The following CNTRL variants were observed in gnomAD, a reference collection of about 807,000 sequenced individuals.
CNTRL encodes 110 kDa centrosomal protein.
CNTRL carries 233 observed loss-of-function variants against 303.7 expected under a neutral mutation model. The ratio of observed to expected loss-of-function variants is 0.77; its 90% CI spans 0.69 to 0.86. The LOEUF (loss-of-function observed/expected upper bound fraction) is 0.86. Among genes scored for constraint, CNTRL ranks in the 40% least tolerant of loss-of-function variants. The probability of loss-of-function intolerance (pLI) is 0.00; values close to 1 mark genes in which losing one functional copy is unlikely to be tolerated. For missense variants in CNTRL, 2,524 were observed against 2,650.6 expected (o/e 0.95, Z 1.05); for synonymous variants, 900 against 922.2 (o/e 0.98, Z 0.44).
intron 36 of CNTRL, 112 bp downstream of exon 36, chr9:121,166,292 T>C (rs1378837126): frequency 2.5e-5 from 16 of 628,370 alleles, no homozygotes; most frequent in African/African-American, 2.3e-4. Flanking sequence ...GCAGATACCG[T>C]AGGGCCATTT....
Position 121,161,920 on chromosome 9 carries a change from A to G in CNTRL, c.5154A>G (p.Gln1718=), listed in dbSNP as rs577582208. The change falls in exon 33 of 44, where the codon CAA becomes CAG. Residue 1718 remains glutamine (Q), a synonymous_variant. Transcript: ENST00000373855. ...ATGAGCTACAAGGTTTGAAGCTACA[A>G]CATGACCAAAGGGTATCTGAATTAG... The part of the protein sequence containing the change: ...ENHELQGLKL[Q]HDQRVSELEK... The G allele has an allele frequency of 3.7e-6, 6 of 1,614,226 alleles. No homozygotes were observed. The highest frequency in any genetic ancestry group is 2.7e-5 in the African/African-American group (2 of 75,062).
In CNTRL at chr9:121,118,677, C is replaced by G. The variant is rs938067622; in HGVS notation, c.1650+137C>G. 223 of 571,428 alleles carry G rather than the reference C, an allele frequency of 3.9e-4. 1 individual carries two copies. Among genetic ancestry groups the G allele is most frequent in the Non-Finnish European group, 8.5e-5 (30 of 355,010 alleles). The allele number at this position is 571,428 out of a possible 1,614,324, so 35.4% of individuals were successfully genotyped here. A position where few individuals can be genotyped will look rare whatever the true frequency, so the allele number is the denominator to read the frequency against. On this transcript the variant is annotated intron_variant, in intron 12 of 43. Transcript: ENST00000373855. ...AATTTAAGTGATATATACATACAGTCAGCCCTCCATATCCATGGGTTCTGC... is the reference window on the plus strand; with the variant it reads ...AATTTAAGTGATATATACATACAGTGAGCCCTCCATATCCATGGGTTCTGC...
At chr9:121,168,646 A>G (rs1444018903) in intron 38 of CNTRL, among the ~76,000 whole-genome samples, 2 of 152,190 alleles carry the variant, frequency 1.3e-5, no homozygotes, top group Non-Finnish European at 2.9e-5. Context: ...ATAATGATCT[A>G]CTTCATCTCA....
chr9:121,099,372 A>G (rs1325061093), intron 7 of CNTRL, among the ~76,000 whole-genome samples: 2 of 152,214 alleles, frequency 1.3e-5, no homozygotes, highest in South Asian at 2.1e-4. Context: ...ACAAACAGAA[A>G]GGATATCCAC....
At position 121,165,104 on chromosome 9, in the gene CNTRL, TA is replaced by T. The variant is rs2131813721; in HGVS notation, c.5581+6del. 1 of 1,563,746 alleles carries T rather than the reference TA, an allele frequency of 6.4e-7. No homozygotes were observed. Among genetic ancestry groups the T allele is most frequent in the Non-Finnish European group, 8.6e-7 (1 of 1,158,608 alleles). On this transcript the variant is annotated splice_donor_5th_base_variant and intron_variant, in intron 35 of 43. Coordinates refer to ENST00000373855, the MANE Select transcript of CNTRL (RefSeq NM_007018.6). ...GCAATGCAACAGCAGCTCCAAGGTA[TA>T]AGGCAGCAAAACAGTGAAAGTGTGT...
intron 14 of CNTRL, 124 bp downstream of exon 14, chr9:121,126,060 T>A (rs968715209): frequency 5.6e-6 from 4 of 720,434 alleles, no homozygotes; most frequent in Non-Finnish European, 9.1e-6. Flanking sequence ...ATATGGTGAT[T>A]TTTTTCTTTT....
chr9:121,110,485 G>A (rs1013307833), intron 8 of CNTRL, among the ~76,000 whole-genome samples: 2 of 152,088 alleles, frequency 1.3e-5, no homozygotes, highest in Non-Finnish European at 2.9e-5. Flanking sequence ...AACTCTCCAA[G>A]TGACGGTATC....
At position 121,138,933 on chromosome 9, in the gene CNTRL, A is replaced by G. The variant is rs572683804; in HGVS notation, c.2337+254A>G. The stretch of plus-strand genomic sequence containing the variant: ...AGAGGCAGTGTCAGTAGTAAACAAT[A>G]TACTGTGTAAACTCATGGGCAAAAG... On this transcript the variant is annotated intron_variant, in intron 16 of 43. Transcript: ENST00000373855. 2.6e-5 allele frequency among the ~76,000 whole-genome samples: 4 copies of G among 152,308 alleles called. No homozygotes were observed. The South Asian group carries it at 8.3e-4, about 32-fold the overall frequency.
Position 121,175,194 on chromosome 9 carries a change from C to T in CNTRL, c.6924C>T (p.Leu2308=). ...SPSLSQLESS[L]TEDSQLGQNQ... is the part of the protein sequence containing the mutation. ...GTCTGTCTCAGCTGGAGTCTTCCCT[C>T]ACAGAGGACTCTCAACTTGGACAAA... Residue 2308 remains leucine, a synonymous_variant, in exon 43 of 44, where the codon CTC becomes CTT. Coordinates refer to ENST00000373855, the MANE Select transcript of CNTRL (RefSeq NM_007018.6). 1.2e-6 allele frequency: 2 copies of T among 1,614,112 alleles called. No individual in the cohort carries two copies. The highest frequency in any genetic ancestry group is 1.7e-6 in the Non-Finnish European group (2 of 1,180,020).
At chr9:121,123,394 A>C (rs1342707060) in intron 12 of CNTRL, among the ~76,000 whole-genome samples, 1 of 152,174 alleles carries the variant, frequency 6.6e-6, no homozygotes, top group Non-Finnish European at 1.5e-5. Context: ...AGCCTGGCCA[A>C]CATGGTGAAA....
At chr9:121,108,073 A>G in intron 8 of CNTRL, 78 bp downstream of exon 8, 2 of 923,328 alleles carry the variant, frequency 2.2e-6, no homozygotes, top group South Asian at 2.1e-5. Context: ...TAAAAATACA[A>G]CTTCCTGACC....
chr9:121,139,269 G>T (rs1011928884), intron 16 of CNTRL, among the ~76,000 whole-genome samples: 1 of 152,138 alleles, frequency 6.6e-6, no homozygotes, highest in African/African-American at 2.4e-5. Context: ...TTAAACTCTC[G>T]AAGAAGACAG....
intron 37 of CNTRL, among the ~76,000 whole-genome samples, 162 bp downstream of exon 37, chr9:121,167,839 C>G (rs115229993): frequency 6.6e-6 from 1 of 152,288 alleles, no homozygotes; most frequent in African/African-American, 2.4e-5. Flanking sequence ...CTGTGTGACT[C>G]TCTTACAGAC....
chr9:121,143,776 G>T, intron 19 of CNTRL, 127 bp from the exon 20 acceptor site: 1 of 615,592 alleles, frequency 1.6e-6, no homozygotes, highest in Non-Finnish European at 2.8e-6. Flanking sequence ...TATATGTGGA[G>T]TACCTCCTGT....
At chr9:121,091,453 A>T (rs1421682581) in intron 4 of CNTRL, among the ~76,000 whole-genome samples, 2 of 152,204 alleles carry the variant, frequency 1.3e-5, no homozygotes, top group Non-Finnish European at 2.9e-5. Context: ...CTAAGCAAAT[A>T]CTAACCCTAG....
Position 121,107,883 on chromosome 9 carries a change from T to C in CNTRL, c.890T>C (p.Leu297Pro). The change falls in exon 8 of 44, where the codon CTT becomes CCT. Residue 297 changes from leucine to proline, a missense_variant. By Grantham distance (98) the Leu-to-Pro change is moderately conservative. Coordinates refer to ENST00000373855, the MANE Select transcript of CNTRL (RefSeq NM_007018.6). ...CTTAAGAGCAAACAAACAAGGTTCC[T>C]TGAGGAAATTAAAAATCAAGATAAA... Reference protein sequence around the residue: ...EELKSKQTRFLEEIKNQDKLN... With the variant: ...EELKSKQTRFPEEIKNQDKLN... 1 of 1,610,020 alleles carries C rather than the reference T, an allele frequency of 6.2e-7. No homozygotes were observed. Among genetic ancestry groups the C allele is most frequent in the Non-Finnish European group, 8.5e-7 (1 of 1,178,266 alleles).
chr9:121,101,010 G>A (rs1043389473), intron 7 of CNTRL, among the ~76,000 whole-genome samples: 46 of 151,924 alleles, frequency 3.0e-4, no homozygotes, highest in Non-Finnish European at 3.4e-4. Context: ...AAGAGAGAAA[G>A]TTAACAAGGA....
At chr9:121,115,282 T>A in intron 11 of CNTRL, 82 bp downstream of exon 11, 1 of 692,036 alleles carries the variant, frequency 1.4e-6, no homozygotes, top group Non-Finnish European at 2.4e-6. Context: ...TAAAACAATT[T>A]AAAAAGCAGT....
chr9:121,112,684 C>T (rs1028303099), intron 9 of CNTRL, 106 bp downstream of exon 9: 12 of 1,165,406 alleles, frequency 1.0e-5, no homozygotes, highest in Non-Finnish European at 1.5e-5. Context: ...AGATATCACT[C>T]CACTTTCTTG....
Sources: allele counts gnomAD v4.1 joint callset (sites outside exome capture counted in the v4.1 genomes callset), GRCh38; gene constraint gnomAD v4.1.1; transcripts MANE v1.5; gene names NCBI Gene and HGNC (gene_info 2026-07-23, HGNC 2026-07-21).